ZC2HC1B: variants seen among roughly 807,000 people sequenced by gnomAD.
ZC2HC1B encodes zinc finger C2HC domain-containing protein 1B.
A neutral mutation model predicts 31.0 loss-of-function variants in ZC2HC1B; 36 were observed. The observed-to-expected ratio is 1.16, with a 90% confidence interval of 0.89 to 1.54. The LOEUF (loss-of-function observed/expected upper bound fraction) is 1.54, where lower values mean the gene tolerates loss of function less well. ZC2HC1B is among the 40% of genes most tolerant of loss of function. ZC2HC1B has a pLI of 0.00. For missense variants in ZC2HC1B, 260 were observed against 268.6 expected, an observed-to-expected ratio of 0.97 and a Z score of 0.22; for synonymous variants, 73 against 88.0, an observed-to-expected ratio of 0.83 and a Z score of 0.95.
At position 143,934,356 on chromosome 6, in the gene ZC2HC1B, A is replaced by G. The variant is rs1474059140; in HGVS notation, c.599-3293A>G. On this transcript the variant is annotated intron_variant, in intron 6 of 7. Transcript: ENST00000237275. This position sits in a 1 kb window ranked among gnomAD's most constrained non-coding sequence, Gnocchi z 4.6. Reference sequence around the variant, plus strand: ...TGTTCTGTCCATCCAAGTGGGAGCTACTTATCAGCCCTGTCCCCTATCTGC... The same window carrying G: ...TGTTCTGTCCATCCAAGTGGGAGCTGCTTATCAGCCCTGTCCCCTATCTGC... Among the ~76,000 whole-genome samples the G allele has an allele frequency of 6.6e-6, 1 of 152,212 alleles. No homozygotes were observed. The highest frequency in any genetic ancestry group is 2.4e-5 in the African/African-American group (1 of 41,462).
rs1315441227 is a variant in ZC2HC1B, at chr6:143,921,208, G to A, written c.599-16441G>A. On this transcript the variant is annotated intron_variant, in intron 6 of 7. Coordinates refer to ENST00000237275, the MANE Select transcript of ZC2HC1B (RefSeq NM_001013623.3). The surrounding 1 kb of genome is among the most constrained non-coding windows in gnomAD (Gnocchi z 6.1). ...TTCTTTGCTAAAGTGTCGCCTCAGT[G>A]AGACTTCTCCAACCTCTGTATTTAA... Among the ~76,000 whole-genome samples the A allele has an allele frequency of 6.6e-6, 1 of 152,172 alleles. No homozygotes were observed.
Position 143,899,215 on chromosome 6 carries a change from G to A in ZC2HC1B, c.489+524G>A, listed in dbSNP as rs1005523345. ...ATCAGTAAAATAACAACCTGAAGTG[G>A]AAGACAGTAGATTTATAAACCACAG... is the stretch of plus-strand genomic sequence containing the variant. On this transcript the variant is annotated intron_variant, in intron 5 of 7. Transcript: ENST00000237275. This position sits in a 1 kb window ranked among gnomAD's most constrained non-coding sequence, Gnocchi z 5.0. Among the ~76,000 whole-genome samples the A allele has an allele frequency of 2.0e-5, 3 of 152,216 alleles. No individual in the cohort carries two copies. The highest frequency in any genetic ancestry group is 4.4e-5 in the Non-Finnish European group (3 of 68,034).
At chr6:143,909,440 T>C (rs1361779600) in intron 6 of ZC2HC1B, among the ~76,000 whole-genome samples, 1 of 151,900 alleles carries the variant, frequency 6.6e-6, no homozygotes, top group Non-Finnish European at 1.5e-5. Context: ...CCCCTCCTTT[T>C]CAATTTTTTG....
Position 143,879,952 on chromosome 6 carries a change from GT to G in ZC2HC1B, c.29-4351del, listed in dbSNP as rs1223545558. ...TGATTCTTTGGCCTCAGCCTCCTGA[GT>G]AACTGGGACCACAAGTGCATGCTAC... On this transcript the variant is annotated intron_variant, in intron 1 of 7. Coordinates refer to ENST00000237275, the MANE Select transcript of ZC2HC1B (RefSeq NM_001013623.3). Among the ~76,000 whole-genome samples, 7 of 150,700 alleles carry G rather than the reference GT, an allele frequency of 4.6e-5. No individual in the cohort carries two copies. The South Asian group carries it at 8.4e-4, about 18-fold the overall frequency.
intron 4 of ZC2HC1B, among the ~76,000 whole-genome samples, chr6:143,891,874 G>A (rs574040950): frequency 6.7e-6 from 1 of 149,350 alleles, no homozygotes; most frequent in Admixed American, 6.7e-5. Flanking sequence ...TGACAACTTG[G>A]TATGGTGTAT....
At chr6:143,888,241 G>A (rs1051096232) in intron 4 of ZC2HC1B, among the ~76,000 whole-genome samples, 7 of 151,970 alleles carry the variant, frequency 4.6e-5, no homozygotes, top group Non-Finnish European at 7.4e-5. Flanking sequence ...TGGGCTCTCT[G>A]TTCTATTCCA....
At position 143,865,829 on chromosome 6, in the gene ZC2HC1B, T is replaced by C. The variant is rs1777253004; in HGVS notation, c.28+1262T>C. 6.6e-6 allele frequency among the ~76,000 whole-genome samples: 1 copy of C among 152,162 alleles called. No homozygotes were observed. Among genetic ancestry groups the C allele is most frequent in the South Asian group, 2.1e-4 (1 of 4,834 alleles). ...GAATTTGTATCTTAAACTTTTTTTT[T>C]TTGCCAAGACAGGTCTTGCTCTGGC... On this transcript the variant is annotated intron_variant, in intron 1 of 7. Coordinates refer to ENST00000237275, the MANE Select transcript of ZC2HC1B (RefSeq NM_001013623.3). This position sits in a 1 kb window ranked among gnomAD's most constrained non-coding sequence, Gnocchi z 4.4.
chr6:143,915,461 A>G lies in ZC2HC1B; in HGVS notation c.598+12309A>G, dbSNP rs527722715. Among the ~76,000 whole-genome samples the G allele has an allele frequency of 2.0e-5, 3 of 152,344 alleles. No homozygotes were observed. The highest frequency in any genetic ancestry group is 7.2e-5 in the African/African-American group (3 of 41,576). On this transcript the variant is annotated intron_variant, in intron 6 of 7. Transcript: ENST00000237275. The surrounding 1 kb of genome is among the most constrained non-coding windows in gnomAD (Gnocchi z 5.2). ...TACCAGTAGAGTGGGGCGCTGCTGA[A>G]AAGATATCTGAAAATGTGGAAGTGA...
At chr6:143,912,581 G>C (rs1262985868) in intron 6 of ZC2HC1B, among the ~76,000 whole-genome samples, 2 of 152,184 alleles carry the variant, frequency 1.3e-5, no homozygotes, top group Non-Finnish European at 2.9e-5. Context: ...GGTATCACCT[G>C]TGAAGGCTGT....
intron 4 of ZC2HC1B, among the ~76,000 whole-genome samples, chr6:143,893,644 T>C (rs1378918849): frequency 6.6e-6 from 1 of 152,160 alleles, no homozygotes; most frequent in Non-Finnish European, 1.5e-5. Context: ...ACACTGCTGA[T>C]AGAAGTATAA....
intron 6 of ZC2HC1B, 115 bp from the exon 7 acceptor site, chr6:143,937,534 A>C: frequency 2.3e-5 from 16 of 688,606 alleles, no homozygotes; most frequent in Non-Finnish European, 2.3e-5. Flanking sequence ...ACCTCCCACC[A>C]AAAAAAAGGA....
chr6:143,906,931 T>C (rs1436672528), intron 6 of ZC2HC1B, among the ~76,000 whole-genome samples: 1 of 152,118 alleles, frequency 6.6e-6, no homozygotes, highest in Non-Finnish European at 1.5e-5. Flanking sequence ...CTCTCCCTCC[T>C]TCCCCCCATT....
chr6:143,882,334 T>TTTTATATA (rs1554237237), intron 1 of ZC2HC1B, among the ~76,000 whole-genome samples: 1 of 85,554 alleles, frequency 1.2e-5, no homozygotes, highest in Non-Finnish European at 2.0e-5. Flanking sequence ...TTTATATTTT[T>TTTTATATA]TATATATATA....
chr6:143,889,202 A>G (rs1777567801), intron 4 of ZC2HC1B, among the ~76,000 whole-genome samples: 1 of 152,038 alleles, frequency 6.6e-6, no homozygotes, highest in Admixed American at 6.6e-5. Flanking sequence ...CTCTAGAGTA[A>G]CCACTAAAAA....
At chr6:143,864,669 G>T in intron 1 of ZC2HC1B, 102 bp downstream of exon 1, 1 of 1,249,888 alleles carries the variant, frequency 8.0e-7, no homozygotes, top group Non-Finnish European at 1.1e-6. Flanking sequence ...GTTCTACCAT[G>T]TGTGATCCGT....
Position 143,905,723 on chromosome 6 carries a change from G to A in ZC2HC1B, c.598+2571G>A, listed in dbSNP as rs977390184. Reference sequence around the variant, plus strand: ...GTATGGTTTTTATTATGTTGAGGTAGTTTCCTTCTATTCTTAGTTTGTTGA... The same window carrying A: ...GTATGGTTTTTATTATGTTGAGGTAATTTCCTTCTATTCTTAGTTTGTTGA... On this transcript the variant is annotated intron_variant, in intron 6 of 7. Coordinates refer to ENST00000237275, the MANE Select transcript of ZC2HC1B (RefSeq NM_001013623.3). The surrounding 1 kb of genome is among the most constrained non-coding windows in gnomAD (Gnocchi z 4.2). Among the ~76,000 whole-genome samples the A allele has an allele frequency of 1.3e-5, 2 of 151,924 alleles. No homozygotes were observed. The highest frequency in any genetic ancestry group is 4.8e-5 in the African/African-American group (2 of 41,384).
chr6:143,893,657 C>T (rs773749983), intron 4 of ZC2HC1B, among the ~76,000 whole-genome samples: 3 of 152,112 alleles, frequency 2.0e-5, no homozygotes, highest in Admixed American at 2.0e-4. Context: ...AAGTATAAAA[C>T]AGTACAACCA....
chr6:143,915,040 A>G lies in ZC2HC1B; in HGVS notation c.598+11888A>G, dbSNP rs1269773303. Among the ~76,000 whole-genome samples, 3 of 152,210 alleles carry G rather than the reference A, an allele frequency of 2.0e-5. No individual in the cohort carries two copies. The highest frequency in any genetic ancestry group is 2.9e-5 in the Non-Finnish European group (2 of 68,030). On this transcript the variant is annotated intron_variant, in intron 6 of 7. Coordinates refer to ENST00000237275, the MANE Select transcript of ZC2HC1B (RefSeq NM_001013623.3). This position sits in a 1 kb window ranked among gnomAD's most constrained non-coding sequence, Gnocchi z 5.2. ...TTTGTCATTCTGGTATATGTTTTCT[A>G]TATGCCTTACAGCTTTTTTGTTCCT...
intron 6 of ZC2HC1B, among the ~76,000 whole-genome samples, chr6:143,906,642 C>A (rs1180601199): frequency 6.6e-6 from 1 of 151,940 alleles, no homozygotes; most frequent in South Asian, 2.1e-4. Context: ...TAGAGTTTTG[C>A]CATGTTAGCT....
Sources: allele counts gnomAD v4.1 joint callset (sites outside exome capture counted in the v4.1 genomes callset), GRCh38; gene constraint gnomAD v4.1.1; non-coding constraint Gnocchi (gnomAD v3.1); transcripts MANE v1.5; gene names NCBI Gene and HGNC (gene_info 2026-07-23, HGNC 2026-07-21).